The following DLG2 variants were observed in gnomAD, a reference collection of about 807,000 sequenced individuals.
DLG2 encodes disks large homolog 2.
A neutral mutation model predicts 132.5 loss-of-function variants in DLG2; 45 were observed. That is an observed-to-expected ratio of 0.34 (90% CI 0.27 to 0.44). The LOEUF (loss-of-function observed/expected upper bound fraction) is 0.44, where lower values mean the gene tolerates loss of function less well. DLG2 is among the 20% of genes least tolerant of loss of function. The pLI is 1.00. For missense variants in DLG2, 1,045 were observed against 1,196.9 expected (o/e 0.87, Z 1.87); for synonymous variants, 424 against 419.6 (o/e 1.01, Z -0.13).
rs1490578380 is a variant in DLG2, at chr11:84,489,323, T to C, written c.519+45247A>G. 2.6e-5 allele frequency among the ~76,000 whole-genome samples: 4 copies of C among 152,174 alleles called. No individual in the cohort carries two copies. In the East Asian group the frequency reaches 7.7e-4, roughly 29 times the overall value. On this transcript the variant is annotated intron_variant, in intron 7 of 27. Coordinates refer to ENST00000376104, the MANE Select transcript of DLG2 (RefSeq NM_001142699.3). Reference sequence around the variant, plus strand: ...TTCTACATTTTAGTATAGGCAACTTTATTTGTACACTAACTGCTTTTTGAC... The same window carrying C: ...TTCTACATTTTAGTATAGGCAACTTCATTTGTACACTAACTGCTTTTTGAC...
chr11:84,618,746 A>G lies in DLG2; in HGVS notation c.358-84015T>C, dbSNP rs560907744. 8.5e-5 allele frequency among the ~76,000 whole-genome samples: 13 copies of G among 152,236 alleles called. No homozygotes were observed. In the South Asian group the frequency reaches 2.7e-3, roughly 32 times the overall value. ...CCCACTATTTAAGTCCAGCAAAAAT[A>G]TGAGACCACCATCAAGGAGATAGGA... On this transcript the variant is annotated intron_variant, in intron 6 of 27. Coordinates refer to ENST00000376104, the MANE Select transcript of DLG2 (RefSeq NM_001142699.3).
At chr11:83,668,856 T>C (rs1312261688) in intron 18 of DLG2, among the ~76,000 whole-genome samples, 2 of 120,412 alleles carry the variant, frequency 1.7e-5, no homozygotes, top group African/African-American at 8.1e-5. Context: ...CACACATATA[T>C]ATATATATAT....
intron 18 of DLG2, among the ~76,000 whole-genome samples, chr11:83,648,331 T>C (rs1591664331): frequency 2.6e-5 from 4 of 152,014 alleles, no homozygotes; most frequent in Non-Finnish European, 4.4e-5. Flanking sequence ...GAAGACTAGG[T>C]GTAGGGGTAA....
intron 17 of DLG2, among the ~76,000 whole-genome samples, chr11:83,810,913 G>C (rs1292499081): frequency 1.3e-5 from 2 of 152,064 alleles, no homozygotes; most frequent in African/African-American, 4.8e-5. Flanking sequence ...TTTTCTCAAA[G>C]ACCTAACTGT....
rs912680251 is a variant in DLG2, at chr11:83,658,843, C to T, written c.1826-25518G>A. Among the ~76,000 whole-genome samples the T allele has an allele frequency of 3.9e-5, 6 of 152,220 alleles. No homozygotes were observed. The East Asian group carries it at 1.2e-3, about 29-fold the overall frequency. On this transcript the variant is annotated intron_variant, in intron 18 of 27. Coordinates refer to ENST00000376104, the MANE Select transcript of DLG2 (RefSeq NM_001142699.3). Reference sequence around the variant, plus strand: ...TTGAGCATTTACAATGTACCAGGAGCTATACTGAATGCCATATGTAGCAAT... The same window carrying T: ...TTGAGCATTTACAATGTACCAGGAGTTATACTGAATGCCATATGTAGCAAT...
intron 3 of DLG2, among the ~76,000 whole-genome samples, chr11:85,304,784 G>T (rs955846080): frequency 5.9e-5 from 9 of 152,200 alleles, no homozygotes; most frequent in African/African-American, 2.2e-4. Context: ...TGACAACATG[G>T]AAGTCATTGC....
intron 17 of DLG2, among the ~76,000 whole-genome samples, chr11:83,800,557 T>G (rs915090840): frequency 6.6e-6 from 1 of 152,232 alleles, no homozygotes; most frequent in Non-Finnish European, 1.5e-5. Context: ...AGAATCCTTC[T>G]GGAGCAGAGG....
At position 85,406,667 on chromosome 11, in the gene DLG2, T is replaced by C. The variant is rs192948790; in HGVS notation, c.41-121302A>G. On this transcript the variant is annotated intron_variant, in intron 3 of 27. Transcript: ENST00000376104. The stretch of plus-strand genomic sequence containing the variant: ...CTCTGGTATTCAATAATAACACTCA[T>C]CAGCATGACTTTTATTCATTCATTC... 1.1e-4 allele frequency among the ~76,000 whole-genome samples: 16 copies of C among 152,040 alleles called. 1 individual carries two copies. In the East Asian group the frequency reaches 3.1e-3, roughly 30 times the overall value.
intron 10 of DLG2, among the ~76,000 whole-genome samples, chr11:84,087,749 A>G (rs2097014453): frequency 6.6e-6 from 1 of 152,208 alleles, no homozygotes; most frequent in South Asian, 2.1e-4. Context: ...CAAGTGATTC[A>G]GATGGCCTTT....
intron 6 of DLG2, among the ~76,000 whole-genome samples, chr11:85,035,974 TA>T (rs2061402827): frequency 6.6e-6 from 1 of 152,164 alleles, no homozygotes; most frequent in Admixed American, 6.5e-5. Context: ...TTGTTGAGAA[TA>T]AAAAAGGTTT....
At chr11:83,785,962 T>C (rs1046587651) in intron 18 of DLG2, among the ~76,000 whole-genome samples, 6 of 152,242 alleles carry the variant, frequency 3.9e-5, no homozygotes, top group Non-Finnish European at 8.8e-5. Context: ...CATAATTGTG[T>C]GCTTACATTA....
chr11:83,652,036 A>C, intron 18 of DLG2: 1 of 298,896 alleles, frequency 3.3e-6, no homozygotes, highest in South Asian at 3.1e-5. Context: ...TTCACAGCAG[A>C]AAAGAGAAAA....
intron 6 of DLG2, among the ~76,000 whole-genome samples, chr11:84,604,691 A>G (rs1391597328): frequency 6.6e-6 from 1 of 151,954 alleles, no homozygotes; most frequent in Non-Finnish European, 1.5e-5. Context: ...GTGACGGGAA[A>G]TGACAAGGTC....
Position 84,217,950 on chromosome 11 carries a change from T to C in DLG2, c.573+33288A>G, listed in dbSNP as rs1382978764. Among the ~76,000 whole-genome samples, 6 of 152,132 alleles carry C rather than the reference T, an allele frequency of 3.9e-5. No individual in the cohort carries two copies. The East Asian group carries it at 1.2e-3, about 29-fold the overall frequency. On this transcript the variant is annotated intron_variant, in intron 8 of 27. Coordinates refer to ENST00000376104, the MANE Select transcript of DLG2 (RefSeq NM_001142699.3). Reference sequence around the variant, plus strand: ...TAGGAGGCCAAGGTGGGCAGATCACTTGAGGTCAGGAGTTAGAGACCAGCC... The same window carrying C: ...TAGGAGGCCAAGGTGGGCAGATCACCTGAGGTCAGGAGTTAGAGACCAGCC...
At chr11:84,683,334 T>C (rs2099735194) in intron 6 of DLG2, among the ~76,000 whole-genome samples, 1 of 152,234 alleles carries the variant, frequency 6.6e-6, no homozygotes, top group Non-Finnish European at 1.5e-5. Context: ...TGTGGGTTGA[T>C]GTTTCTTAAA....
chr11:83,983,683 A>T (rs1010604272), intron 11 of DLG2, among the ~76,000 whole-genome samples: 46 of 152,040 alleles, frequency 3.0e-4, no homozygotes, highest in African/African-American at 1.1e-3. Flanking sequence ...TTTCCTTGTG[A>T]TGTGAGTAAT....
chr11:85,266,801 C>G (rs2077240803), intron 4 of DLG2, among the ~76,000 whole-genome samples: 1 of 152,054 alleles, frequency 6.6e-6, no homozygotes, highest in Non-Finnish European at 1.5e-5. Context: ...TACTCAGAAC[C>G]CTCAATTCTG....
At chr11:84,797,716 G>A (rs1424018547) in intron 6 of DLG2, among the ~76,000 whole-genome samples, 1 of 152,200 alleles carries the variant, frequency 6.6e-6, no homozygotes, top group African/African-American at 2.4e-5. Context: ...TCTGGGTTTA[G>A]TCACTGGTGT....
intron 7 of DLG2, among the ~76,000 whole-genome samples, chr11:84,398,132 T>A (rs2098817036): frequency 6.6e-6 from 1 of 152,180 alleles, no homozygotes; most frequent in Non-Finnish European, 1.5e-5. Flanking sequence ...TTTAACAAGT[T>A]GATATACAGC....
Sources: gnomAD v4.1 joint callset for allele counts (sites outside exome capture counted in the v4.1 genomes callset) on GRCh38, gnomAD v4.1.1 for gene constraint, MANE v1.5 for transcripts, NCBI Gene and HGNC (gene_info 2026-07-23, HGNC 2026-07-21) for gene names.